The following DCHS2 variants were observed in gnomAD, a reference collection of about 807,000 sequenced individuals.
The protein encoded by DCHS2 is dachsous cadherin-related 2, also known as protocadherin-23.
In DCHS2, 142 loss-of-function variants were observed where a neutral mutation model predicts 182.4. The ratio of observed to expected loss-of-function variants is 0.78; its 90% CI spans 0.68 to 0.89. The LOEUF (loss-of-function observed/expected upper bound fraction) is 0.89, where lower values mean the gene tolerates loss of function less well. Among genes scored for constraint, DCHS2 ranks in the 40% least tolerant of loss-of-function variants. The probability of loss-of-function intolerance (pLI) is 0.00; values close to 1 mark genes in which losing one functional copy is unlikely to be tolerated. For synonymous variants in DCHS2, 1,740 were observed against 1,663.3 expected (o/e 1.05, Z -1.12); for missense variants, 4,319 against 4,198.6 (o/e 1.03, Z -0.79).
intron 1 of DCHS2, among the ~76,000 whole-genome samples, chr4:154,386,757 A>G (rs1384647761): frequency 6.6e-6 from 1 of 152,184 alleles, no homozygotes; most frequent in Non-Finnish European, 1.5e-5. Context: ...TATAGGATAC[A>G]AGCACGTTTA....
At chr4:154,275,262 G>A (rs1204114348) in intron 13 of DCHS2, among the ~76,000 whole-genome samples, 2 of 152,042 alleles carry the variant, frequency 1.3e-5, no homozygotes, top group Non-Finnish European at 2.9e-5. Context: ...AACAGAATTT[G>A]TTAAGGAAAA....
intron 3 of DCHS2, among the ~76,000 whole-genome samples, chr4:154,347,479 A>C (rs1191408762): frequency 6.6e-6 from 1 of 151,632 alleles, no homozygotes; most frequent in Non-Finnish European, 1.5e-5. Flanking sequence ...AATCAGACTA[A>C]TACCATTTAC....
At chr4:154,270,062 A>G (rs1463722778) in intron 13 of DCHS2, 49 bp from the exon 14 acceptor site, 7 of 1,552,060 alleles carry the variant, frequency 4.5e-6, no homozygotes, top group Middle Eastern at 2.2e-4. Flanking sequence ...AAAAAATTTC[A>G]TGGAAACACA....
At chr4:154,297,802 AT>A (rs780381359) in intron 13 of DCHS2, 48 bp downstream of exon 13, 2 of 1,558,174 alleles carry the variant, frequency 1.3e-6, no homozygotes, top group South Asian at 1.2e-5. Flanking sequence ...ACTCTTAAGC[AT>A]TTTGTCAAAA....
rs191312225 is a variant in DCHS2, at chr4:154,245,863, C to T, written c.6942-3091G>A. 3.2e-4 allele frequency among the ~76,000 whole-genome samples: 48 copies of T among 152,202 alleles called. 1 individual carries two copies. Among genetic ancestry groups the T allele is most frequent in the Non-Finnish European group, 1.3e-4 (9 of 68,010 alleles). ...ATTAAAATCCACTCAGAATGTACAA[C>T]ACCAAGAGTGGATCCCACTGAAAAC... On this transcript the variant is annotated intron_variant, in intron 16 of 19. Transcript: ENST00000357232.
At chr4:154,291,068 A>G (rs969632508) in intron 13 of DCHS2, among the ~76,000 whole-genome samples, 1 of 152,158 alleles carries the variant, frequency 6.6e-6, no homozygotes, top group African/African-American at 2.4e-5. Context: ...CAGAATGTGT[A>G]AGAAGCTCAA....
chr4:154,366,487 A>G (rs1730368570), intron 2 of DCHS2, 46 bp from the exon 3 acceptor site: 2 of 1,269,408 alleles, frequency 1.6e-6, no homozygotes, highest in Non-Finnish European at 2.3e-6. Context: ...TTTGCTGAAC[A>G]CTAGGATGTA....
rs138881751 is a variant in DCHS2, at chr4:154,484,433, C to T, written c.2052+4871G>A. 1.1e-3 allele frequency among the ~76,000 whole-genome samples: 171 copies of T among 152,294 alleles called. 1 individual carries two copies. Among genetic ancestry groups the T allele is most frequent in the African/African-American group, 3.9e-3 (163 of 41,558 alleles). On this transcript the variant is annotated intron_variant, in intron 1 of 19. Transcript: ENST00000357232. ...CCATAATAATAAAGGCCAAGCTCTG[C>T]GCAAACACTGATATCTCCCATGTCT...
At chr4:154,249,080 G>T (rs1305038241) in intron 16 of DCHS2, among the ~76,000 whole-genome samples, 2 of 152,114 alleles carry the variant, frequency 1.3e-5, no homozygotes, top group Admixed American at 1.3e-4. Context: ...AACAAAAATT[G>T]ACAGATGGGA....
At chr4:154,330,866 T>C (rs911349789) in intron 5 of DCHS2, among the ~76,000 whole-genome samples, 1 of 152,228 alleles carries the variant, frequency 6.6e-6, no homozygotes, top group African/African-American at 2.4e-5. Flanking sequence ...TTCCAAACTA[T>C]AATTCTCCTC....
intron 10 of DCHS2, among the ~76,000 whole-genome samples, chr4:154,313,851 A>C (rs1735757181): frequency 6.6e-6 from 1 of 152,188 alleles, no homozygotes; most frequent in Non-Finnish European, 1.5e-5. Context: ...GAAAAACAAT[A>C]ATTTTGTACC....
chr4:154,375,805 G>A (rs1397973809), intron 2 of DCHS2, among the ~76,000 whole-genome samples: 1 of 152,076 alleles, frequency 6.6e-6, no homozygotes, highest in African/African-American at 2.4e-5. Flanking sequence ...GTATAAGAAT[G>A]TTAAAAGAAG....
Position 154,377,352 on chromosome 4 carries a change from G to T in DCHS2, c.2145C>A (p.Phe715Leu). 6.2e-7 allele frequency: 1 copy of T among 1,613,654 alleles called. No individual in the cohort carries two copies. Among genetic ancestry groups the T allele is most frequent in the Non-Finnish European group, 8.5e-7 (1 of 1,179,708 alleles). ...GFLSYEAPQA[F>L]RIDPHDGQIC... ...TTTGCCCATCATGAGGGTCGATCCG[G>T]AATGCCTGAGGTGCTTCATAGCTCA... The change falls in exon 2 of 20, where the codon TTC (phenylalanine) becomes TTA (leucine). Residue 715 changes from phenylalanine to leucine, a missense_variant. Coordinates refer to ENST00000357232, the MANE Select transcript of DCHS2 (RefSeq NM_001358235.2).
chr4:154,283,446 TAA>T (rs1355225985), intron 13 of DCHS2, among the ~76,000 whole-genome samples: 3 of 131,996 alleles, frequency 2.3e-5, no homozygotes, highest in African/African-American at 8.2e-5. Context: ...TATTTTTTTA[TAA>T]GTTTAAGCAA....
In DCHS2 at chr4:154,236,513, A is replaced by C. The variant is rs143610862; in HGVS notation, c.8139T>G (p.Phe2713Leu). The change falls in exon 20 of 20, where the codon TTT becomes TTG. Residue 2713 changes from phenylalanine to leucine, a missense_variant. Physicochemically the swap from Phe to Leu is conservative, Grantham distance 22. Transcript: ENST00000357232. ...NIISGNEKGH[F>L]YLEENTGVLY... ...GAACTCCAGTGTTTTCTTCTAAGTAAAAATGTCCCTTCTCATTTCCAGAGA... is the reference window on the plus strand; with the variant it reads ...GAACTCCAGTGTTTTCTTCTAAGTACAAATGTCCCTTCTCATTTCCAGAGA... 22 of 1,613,920 alleles carry C rather than the reference A, an allele frequency of 1.4e-5. No individual in the cohort carries two copies. The highest frequency in any genetic ancestry group is 1.9e-5 in the Non-Finnish European group (22 of 1,179,984).
At chr4:154,323,565 A>G (rs1445558637) in intron 7 of DCHS2, among the ~76,000 whole-genome samples, 1 of 152,158 alleles carries the variant, frequency 6.6e-6, no homozygotes, top group African/African-American at 2.4e-5. Context: ...GTGAAGTATA[A>G]TGCAAGTTGA....
At chr4:154,266,445 A>G (rs1733267147) in intron 14 of DCHS2, among the ~76,000 whole-genome samples, 1 of 152,178 alleles carries the variant, frequency 6.6e-6, no homozygotes. Flanking sequence ...TCACGAGGAC[A>G]GGAGATCGAG....
intron 1 of DCHS2, among the ~76,000 whole-genome samples, chr4:154,389,021 C>A (rs1489809386): frequency 1.3e-5 from 2 of 152,020 alleles, no homozygotes; most frequent in South Asian, 2.1e-4. Context: ...TGAGCAAGGG[C>A]CGGACAGTAA....
At chr4:154,405,799 A>G (rs918385266) in intron 1 of DCHS2, among the ~76,000 whole-genome samples, 7 of 152,148 alleles carry the variant, frequency 4.6e-5, no homozygotes, top group Non-Finnish European at 7.3e-5. Flanking sequence ...AACTTGGGTT[A>G]TTTCTCAGGG....
Sources: gnomAD v4.1 joint callset for allele counts (sites outside exome capture counted in the v4.1 genomes callset) on GRCh38, gnomAD v4.1.1 for gene constraint, MANE v1.5 for transcripts, NCBI Gene and HGNC (gene_info 2026-07-23, HGNC 2026-07-21) for gene names.